HS2ST1: variants seen among roughly 807,000 people sequenced by gnomAD.
The protein encoded by HS2ST1 is 2-O-sulfotransferase.
Under a neutral mutation model 42.9 loss-of-function variants are expected in HS2ST1, and 18 were observed. The observed-to-expected ratio is 0.42, with a 90% CI of 0.29 to 0.62. The LOEUF is 0.62. HS2ST1 is among the 20% of genes least tolerant of loss of function. The probability of loss-of-function intolerance (pLI) is 0.21; values close to 1 mark genes in which losing one functional copy is unlikely to be tolerated. For synonymous variants in HS2ST1, 146 were observed against 152.9 expected (o/e 0.95, Z 0.33); for missense variants, 334 against 433.8 (o/e 0.77, Z 2.04).
At chr1:87,017,672 CTTTTTTATTT>C (rs1268851620) in intron 1 of HS2ST1, among the ~76,000 whole-genome samples, 4 of 151,956 alleles carry the variant, frequency 2.6e-5, no homozygotes, top group African/African-American at 9.7e-5. Context: ...ATATTTGATG[CTTTTTTATTT>C]TTGATTTTTG....
intron 1 of HS2ST1, among the ~76,000 whole-genome samples, chr1:87,058,182 C>T (rs1157093294): frequency 6.6e-6 from 1 of 151,656 alleles, no homozygotes; most frequent in East Asian, 1.9e-4. Context: ...AATCCTTTTT[C>T]CATCATTCTT....
chr1:87,023,103 A>G (rs1446782043), intron 1 of HS2ST1, among the ~76,000 whole-genome samples: 1 of 152,224 alleles, frequency 6.6e-6, no homozygotes, highest in African/African-American at 2.4e-5. Context: ...CAATATGTCA[A>G]TTGTGTTGTA....
At chr1:87,097,720 A>G (rs1463835636) in intron 4 of HS2ST1, 118 bp from the exon 5 acceptor site, 5 of 1,155,220 alleles carry the variant, frequency 4.3e-6, no homozygotes, top group South Asian at 3.1e-5. Context: ...TCCAAAAAAA[A>G]TAAGAGTGTC....
At chr1:87,010,627 C>T (rs2100577671) in intron 1 of HS2ST1, among the ~76,000 whole-genome samples, 1 of 151,932 alleles carries the variant, frequency 6.6e-6, no homozygotes, top group Non-Finnish European at 1.5e-5. Context: ...TAGACTAATA[C>T]TAGATGTTCT....
At position 86,985,477 on chromosome 1, in the gene HS2ST1, CATATATACACAT is replaced by C. The variant is rs1391854228; in HGVS notation, c.124+70335_124+70346del. ...ACACACATATATACACATATATACA[CATATATACACAT>C]ATATATACACATATATACACATATA... On this transcript the variant is annotated intron_variant, in intron 1 of 6. Transcript: ENST00000370550. Among the ~76,000 whole-genome samples, 25 of 115,172 alleles carry C rather than the reference CATATATACACAT, an allele frequency of 2.2e-4. 1 individual carries two copies. The highest frequency in any genetic ancestry group is 6.3e-4 in the South Asian group (2 of 3,166). The allele number at this position is 115,172 out of a possible 152,430, so 75.6% of individuals were successfully genotyped here. A position where few individuals can be genotyped will look rare whatever the true frequency, so the allele number is the denominator to read the frequency against.
At chr1:87,034,163 A>G (rs542549945) in intron 1 of HS2ST1, among the ~76,000 whole-genome samples, 1 of 152,350 alleles carries the variant, frequency 6.6e-6, no homozygotes, top group East Asian at 1.9e-4. Flanking sequence ...AAATAGAATC[A>G]ATGGTGAGAA....
chr1:86,919,523 T>C (rs1186729345), intron 1 of HS2ST1, among the ~76,000 whole-genome samples: 1 of 152,228 alleles, frequency 6.6e-6, no homozygotes, highest in Admixed American at 6.5e-5. Flanking sequence ...CAACTGTATG[T>C]TAACATTCCT....
intron 1 of HS2ST1, among the ~76,000 whole-genome samples, chr1:87,004,286 G>A (rs536411727): frequency 6.6e-6 from 1 of 152,208 alleles, no homozygotes; most frequent in Non-Finnish European, 1.5e-5. Flanking sequence ...AGCTACTTGG[G>A]AGGCTGAGGC....
intron 1 of HS2ST1, among the ~76,000 whole-genome samples, chr1:86,963,974 C>T (rs1331028749): frequency 1.3e-5 from 2 of 150,222 alleles, no homozygotes; most frequent in Non-Finnish European, 3.0e-5. Context: ...GGCTGCCGGG[C>T]GGAGGGGCTC....
intron 1 of HS2ST1, among the ~76,000 whole-genome samples, chr1:86,975,996 A>G (rs1257418496): frequency 6.6e-6 from 1 of 152,242 alleles, no homozygotes; most frequent in Non-Finnish European, 1.5e-5. Flanking sequence ...TGGCAAATGT[A>G]TCTTTGGTAT....
At position 87,072,945 on chromosome 1, in the gene HS2ST1, G is replaced by A. The variant is rs762375562; in HGVS notation, c.136G>A (p.Ala46Thr). The stretch of plus-strand genomic sequence containing the variant: ...GTTTTTCTTTCCAGAAAGGGCTATT[G>A]CAAGACACGAAGTCCGAGAAATTGA... Reference protein sequence around the residue: ...ESRSKLERAIARHEVREIEQR... With the variant: ...ESRSKLERAITRHEVREIEQR... Residue 46 changes from alanine to threonine, a missense_variant, in exon 2 of 7, where the codon GCA becomes ACA. Ala to Thr is a moderately conservative substitution (Grantham distance 58, BLOSUM62 0). Coordinates refer to ENST00000370550, the MANE Select transcript of HS2ST1 (RefSeq NM_012262.4). The A allele has an allele frequency of 2.5e-6, 4 of 1,613,618 alleles. No individual in the cohort carries two copies. The highest frequency in any genetic ancestry group is 3.4e-6 in the Non-Finnish European group (4 of 1,179,646).
chr1:86,915,416 C>A (rs985185261), intron 1 of HS2ST1, among the ~76,000 whole-genome samples: 1 of 152,128 alleles, frequency 6.6e-6, no homozygotes, highest in Non-Finnish European at 1.5e-5. Context: ...AGGGTAGCCC[C>A]GAAGTAGGCA....
intron 1 of HS2ST1, among the ~76,000 whole-genome samples, chr1:86,976,548 TAAG>T (rs1157241146): frequency 2.6e-5 from 4 of 151,720 alleles, no homozygotes; most frequent in African/African-American, 9.7e-5. Flanking sequence ...AAACATTTTT[TAAG>T]AAGAAAAATA....
At chr1:86,981,487 T>C (rs1648589771) in intron 1 of HS2ST1, among the ~76,000 whole-genome samples, 1 of 152,196 alleles carries the variant, frequency 6.6e-6, no homozygotes, top group African/African-American at 2.4e-5. Flanking sequence ...AAGTTAGTTA[T>C]TTCCAAGATA....
rs538324156 is a variant in HS2ST1, at chr1:87,002,189, G to A, written c.125-70745G>A. The stretch of plus-strand genomic sequence containing the variant: ...AGCCTCCCAAAGTGCTGGGATTACA[G>A]GCGTGAGCCACCGTGCCCGGCCGGA... On this transcript the variant is annotated intron_variant, in intron 1 of 6. Transcript: ENST00000370550. Among the ~76,000 whole-genome samples the A allele has an allele frequency of 9.2e-5, 14 of 152,306 alleles. No homozygotes were observed. In the South Asian group the frequency reaches 2.3e-3, roughly 25 times the overall value.
chr1:86,983,950 G>A (rs1016499576), intron 1 of HS2ST1, among the ~76,000 whole-genome samples: 1 of 151,626 alleles, frequency 6.6e-6, no homozygotes, highest in Non-Finnish European at 1.5e-5. Flanking sequence ...TGAGGCAGGA[G>A]AATTGCTTGA....
At chr1:87,078,647 T>C (rs894012691) in intron 2 of HS2ST1, among the ~76,000 whole-genome samples, 2 of 152,220 alleles carry the variant, frequency 1.3e-5, no homozygotes, top group Non-Finnish European at 2.9e-5. Context: ...CTATTAAGTT[T>C]TGCTCCTTTT....
chr1:86,920,212 T>G (rs1009782420), intron 1 of HS2ST1, among the ~76,000 whole-genome samples: 10 of 152,198 alleles, frequency 6.6e-5, no homozygotes, highest in African/African-American at 2.4e-4. Context: ...GGGAAAATAA[T>G]TGAGAATGGA....
intron 1 of HS2ST1, among the ~76,000 whole-genome samples, chr1:87,032,428 A>G (rs901003097): frequency 2.6e-5 from 4 of 152,170 alleles, no homozygotes; most frequent in African/African-American, 9.6e-5. Flanking sequence ...CCTGAATATT[A>G]TACTGCTGAT....
Sources: allele counts gnomAD v4.1 joint callset (sites outside exome capture counted in the v4.1 genomes callset), GRCh38; gene constraint gnomAD v4.1.1; transcripts MANE v1.5; gene names NCBI Gene and HGNC (gene_info 2026-07-23, HGNC 2026-07-21).